Variants in PZP observed in about 807,000 individuals in gnomAD.
The protein encoded by PZP is pregnancy zone protein.
Under a neutral mutation model 179.8 loss-of-function variants are expected in PZP, and 150 were observed. That is an observed-to-expected ratio of 0.83 (90% CI 0.73 to 0.96). The LOEUF (loss-of-function observed/expected upper bound fraction) is 0.96, where lower values mean the gene tolerates loss of function less well. Among genes scored for constraint, PZP ranks in the 40% least tolerant of loss-of-function variants. The pLI, the probability that PZP is intolerant of heterozygous loss-of-function variation, is 0.00. For missense variants in PZP, 1,689 were observed against 1,764.0 expected (o/e 0.96, Z 0.76); for synonymous variants, 624 against 652.3 (o/e 0.96, Z 0.66).
chr12:9,160,191 G>A (rs960313599), intron 24 of PZP, 123 bp downstream of exon 24: 1 of 1,102,514 alleles, frequency 9.1e-7, no homozygotes, highest in Non-Finnish European at 1.3e-6. Flanking sequence ...CTATTAGAGT[G>A]TGGGAAGATT....
intron 10 of PZP, 38 bp from the exon 11 acceptor site, chr12:9,194,276 C>CA (rs748440522): frequency 1.3e-6 from 2 of 1,599,036 alleles, no homozygotes; most frequent in African/African-American, 2.7e-5. Context: ...ATGTGAACAA[C>CA]ACCCAGAGAG....
chr12:9,169,683 C>G (rs1267092560), intron 15 of PZP, 92 bp from the exon 16 acceptor site: 2 of 1,250,690 alleles, frequency 1.6e-6, no homozygotes, highest in Non-Finnish European at 2.1e-6. Flanking sequence ...TATCACCAAT[C>G]TTTTCTTGAG....
At chr12:9,136,521 GTGTGTGCATATA>G in the PZP span, among the ~76,000 whole-genome samples, 3 of 152,066 alleles carry the variant, frequency 2.0e-5, no homozygotes, top group Non-Finnish European at 4.4e-5. Flanking sequence ...TTGTGCATGT[GTGTGTGCATATA>G]TGTGTGCATA....
At position 9,202,382 on chromosome 12, in the gene PZP, A is replaced by G. The variant is rs1284628007; in HGVS notation, c.428-11T>C. The G allele has an allele frequency of 1.9e-6, 3 of 1,614,156 alleles. No individual in the cohort carries two copies. ...CAACACGGAATCTTACTGGAAAAGT[A>G]GTTCTCCGATAAGATTCAGACATGA... On this transcript the variant is annotated splice_polypyrimidine_tract_variant and intron_variant, in intron 3 of 35. Coordinates refer to ENST00000261336, the MANE Select transcript of PZP (RefSeq NM_002864.3).
chr12:9,151,783 A>G (rs1438423566), intron 32 of PZP, 111 bp from the exon 33 acceptor site: 2 of 811,352 alleles, frequency 2.5e-6, no homozygotes, highest in Non-Finnish European at 3.9e-6. Flanking sequence ...GAAGAGAAGA[A>G]AGCTAATTGT....
downstream of PZP, among the ~76,000 whole-genome samples, chr12:9,145,330 G>C (rs998080577): frequency 6.6e-6 from 1 of 151,530 alleles, no homozygotes; most frequent in Non-Finnish European, 1.5e-5. Flanking sequence ...TCTGTCTTTT[G>C]TGTAACTTTT....
chr12:9,164,343 G>T, intron 19 of PZP, 84 bp from the exon 20 acceptor site: 1 of 1,424,726 alleles, frequency 7.0e-7, no homozygotes, highest in Non-Finnish European at 9.6e-7. Context: ...AGTGTGAGAT[G>T]CTGCAGTAAA....
chr12:9,189,465 G>A (rs1057090965), intron 13 of PZP, among the ~76,000 whole-genome samples: 2 of 152,102 alleles, frequency 1.3e-5, no homozygotes, highest in African/African-American at 2.4e-5. Flanking sequence ...CTGGATCCCC[G>A]CCTTACACAA....
chr12:9,166,197 G>T lies in PZP; in HGVS notation c.2113C>A (p.Leu705Ile). The T allele has an allele frequency of 6.2e-7, 1 of 1,609,978 alleles. No individual in the cohort carries two copies. Among genetic ancestry groups the T allele is most frequent in the Non-Finnish European group, 8.5e-7 (1 of 1,179,016 alleles). Residue 705 changes from leucine (L) to isoleucine (I), a missense_variant, in exon 18 of 36, where the codon CTA becomes ATA. Physicochemically the swap from Leu to Ile is conservative, Grantham distance 5. This residue lies in a region of PZP where 201 missense variants were observed against 284.2 expected (regional missense o/e 0.71). Transcript: ENST00000261336. ...ACATATGGTCTCTCTACTACTCCTA[G>T]ACCTGCTAAAGTAAGAGAAAATTGT... ...AVGQGYYGAGLGVVERPYVPQ... is the reference protein window; with the variant it reads ...AVGQGYYGAGIGVVERPYVPQ...
Position 9,203,927 on chromosome 12 carries a change from G to T in PZP, c.108C>A (p.Ser36=), listed in dbSNP as rs1307728788. The T allele has an allele frequency of 6.2e-7, 1 of 1,613,838 alleles. No individual in the cohort carries two copies. The change falls in exon 2 of 36, where the codon TCC becomes TCA. Residue 36 remains serine, a synonymous_variant. Transcript: ENST00000261336. ...TEPQYMVLVP[S]LLHTEAPKKG... ...TCTTAGGGGCCTCAGTGTGGAGCAG[G>T]GAGGGGACCAGCACCATATACTGCC...
At position 9,202,596 on chromosome 12, in the gene PZP, A is replaced by G. The variant is rs1944228903; in HGVS notation, c.356T>C (p.Val119Ala). The G allele has an allele frequency of 6.2e-7, 1 of 1,613,986 alleles. No individual in the cohort carries two copies. The highest frequency in any genetic ancestry group is 1.7e-5 in the Admixed American group (1 of 59,992). ...CAGACTTTGGGTGTTCAGTACCAGA[A>G]CTGTGTTCCTCTTCCTGAAATCTTG... ...PTQDFRKRNT[V>A]LVLNTQSLVF... The change falls in exon 3 of 36, where the codon GTT becomes GCT. Residue 119 changes from valine to alanine, a missense_variant. Coordinates refer to ENST00000261336, the MANE Select transcript of PZP (RefSeq NM_002864.3).
At position 9,181,097 on chromosome 12, in the gene PZP, T is replaced by C. The variant is rs1442256445; in HGVS notation, c.1725A>G (p.Pro575=). 2.5e-6 allele frequency: 4 copies of C among 1,614,056 alleles called. No individual in the cohort carries two copies. The highest frequency in any genetic ancestry group is 3.4e-6 in the Non-Finnish European group (4 of 1,180,008). ...CTACTTGCAGGTGGGCATGTGAGGC[T>C]GGGGGACTTTGTGCTGGGCTGAAGC... ...DLSFSPAQSP[P]ASHAHLQVAA... is the part of the protein sequence containing the mutation. Residue 575 remains proline, a synonymous_variant, in exon 15 of 36, where the codon CCA becomes CCG. Transcript: ENST00000261336.
intron 17 of PZP, among the ~76,000 whole-genome samples, chr12:9,166,707 G>C (rs1391241365): frequency 6.6e-6 from 1 of 152,068 alleles, no homozygotes; most frequent in Non-Finnish European, 1.5e-5. Context: ...TTGTTCTCTG[G>C]GAAATAAGAT....
At chr12:9,195,279 G>A (rs754201915) in intron 10 of PZP, among the ~76,000 whole-genome samples, 2 of 152,022 alleles carry the variant, frequency 1.3e-5, no homozygotes, top group African/African-American at 2.4e-5. Context: ...TTTGGTGTAC[G>A]ATAATTATTC....
In PZP at chr12:9,189,065, A is replaced by G. The variant is rs569449331; in HGVS notation, c.1546+3128T>C. Among the ~76,000 whole-genome samples, 44 of 152,360 alleles carry G rather than the reference A, an allele frequency of 2.9e-4. 2 individuals carry two copies. The highest frequency in any genetic ancestry group is 9.4e-4 in the African/African-American group (39 of 41,576). ...AAGAATCAATATCATGAAAATGGTC[A>G]TATTGCCCAAAGCAATTTATAGATT... is the stretch of plus-strand genomic sequence containing the variant. On this transcript the variant is annotated intron_variant, in intron 13 of 35. Coordinates refer to ENST00000261336, the MANE Select transcript of PZP (RefSeq NM_002864.3).
At chr12:9,155,506 TG>T (rs1940688206) in intron 28 of PZP, among the ~76,000 whole-genome samples, 1 of 152,174 alleles carries the variant, frequency 6.6e-6, no homozygotes, top group African/African-American at 2.4e-5. Flanking sequence ...TTGTTGTTGT[TG>T]TTGTTTTTGT....
At chr12:9,163,630 A>T (rs1941377220) in intron 21 of PZP, 38 bp downstream of exon 21, 1 of 1,607,070 alleles carries the variant, frequency 6.2e-7, no homozygotes, top group Admixed American at 1.7e-5. Flanking sequence ...CCGGTGTTGC[A>T]TTCTTACAGT....
intron 34 of PZP, 78 bp from the exon 35 acceptor site, chr12:9,149,680 T>C: frequency 2.1e-6 from 3 of 1,444,098 alleles, no homozygotes; most frequent in Non-Finnish European, 2.9e-6. Flanking sequence ...CTAGTCACTT[T>C]ACTACTGGAG....
chr12:9,182,812 C>T (rs1002640784), intron 13 of PZP, among the ~76,000 whole-genome samples: 2 of 152,110 alleles, frequency 1.3e-5, no homozygotes, highest in African/African-American at 2.4e-5. Flanking sequence ...AGTTGAATAA[C>T]GGTAATTATA....
Sources: allele counts gnomAD v4.1 joint callset (sites outside exome capture counted in the v4.1 genomes callset), GRCh38; gene constraint gnomAD v4.1.1; regional missense constraint gnomAD v4.1.1; transcripts MANE v1.5; gene names NCBI Gene and HGNC (gene_info 2026-07-23, HGNC 2026-07-21).